FIGN: variants seen among roughly 807,000 people sequenced by gnomAD.
FIGN encodes fidgetin, microtubule severing factor.
In FIGN, 11 loss-of-function variants were observed where a neutral mutation model predicts 51.3. The ratio of observed to expected loss-of-function variants is 0.21; its 90% CI spans 0.13 to 0.35. The LOEUF (loss-of-function observed/expected upper bound fraction) is 0.35, where lower values mean the gene tolerates loss of function less well. Ranked by LOEUF, FIGN falls within the 10% of genes least tolerant of loss-of-function variation. The pLI, the probability that FIGN is intolerant of heterozygous loss-of-function variation, is 1.00. For missense variants in FIGN, 857 were observed against 943.6 expected (o/e 0.91, Z 1.20); for synonymous variants, 407 against 363.2 (o/e 1.12, Z -1.37).
chr2:163,664,870 C>G (rs1394108112), intron 2 of FIGN, among the ~76,000 whole-genome samples: 1 of 152,186 alleles, frequency 6.6e-6, no homozygotes, highest in Non-Finnish European at 1.5e-5. Context: ...TGCGTCACAC[C>G]AGTACTATGG....
At chr2:163,686,023 G>A (rs916362140) in intron 2 of FIGN, among the ~76,000 whole-genome samples, 5 of 152,186 alleles carry the variant, frequency 3.3e-5, no homozygotes, top group African/African-American at 7.2e-5. Context: ...TTTGGACTTC[G>A]TCAATTTCGC....
At chr2:163,625,624 T>C (rs1359344092) in intron 2 of FIGN, among the ~76,000 whole-genome samples, 2 of 152,072 alleles carry the variant, frequency 1.3e-5, no homozygotes, top group African/African-American at 4.8e-5. Context: ...ATGCATGTGC[T>C]AAAATAAATA....
rs1169500873 is a variant in FIGN at position 163,605,943 on chromosome 2, G to T, written c.*3609C>A. On this transcript the variant is annotated 3_prime_UTR_variant, in exon 3 of 3. Coordinates refer to ENST00000333129, the MANE Select transcript of FIGN (RefSeq NM_018086.4). ...GTTCTTTTGAAAACTGCATAGCCAA[G>T]TACTATGCAACCCATGTAAATTGAC... is the stretch of plus-strand genomic sequence containing the variant. 6.7e-6 allele frequency: 1 copy of T among 150,372 alleles called. No individual in the cohort carries two copies. Among genetic ancestry groups the T allele is most frequent in the Non-Finnish European group, 1.5e-5 (1 of 67,768 alleles). 9.3% of individuals were successfully genotyped at this position (150,372 alleles called of 1,614,324 possible). A position where few individuals can be genotyped will look rare whatever the true frequency, so the allele number is the denominator to read the frequency against.
intron 2 of FIGN, among the ~76,000 whole-genome samples, chr2:163,689,199 A>C (rs62169903): frequency 1.8e-3 from 28 of 15,974 alleles, no homozygotes; most frequent in African/African-American, 4.3e-3. Context: ...CACACACAGA[A>C]ACACACACAG....
At chr2:163,728,343 A>G (rs890034632) in intron 2 of FIGN, among the ~76,000 whole-genome samples, 6 of 151,462 alleles carry the variant, frequency 4.0e-5, no homozygotes, top group Non-Finnish European at 5.9e-5. Context: ...TACTACTACA[A>G]TTATTCTGGG....
chr2:163,734,809 CTGCT>C (rs1684990120), intron 2 of FIGN, 90 bp downstream of exon 2: 1 of 1,173,186 alleles, frequency 8.5e-7, no homozygotes, highest in Non-Finnish European at 1.2e-6. Flanking sequence ...TCATGAGCAA[CTGCT>C]TGCCAGGCAG....
rs1219738338 is a variant in FIGN at position 163,713,805 on chromosome 2, C to T, written c.25+21098G>A. 2.6e-5 allele frequency among the ~76,000 whole-genome samples: 4 copies of T among 152,114 alleles called. No homozygotes were observed. The East Asian group carries it at 5.8e-4, about 22-fold the overall frequency. On this transcript the variant is annotated intron_variant, in intron 2 of 2. Transcript: ENST00000333129. ...TTTTGATTTGCTTGAAGGATTACTT[C>T]CCTTCCTTAATTGTTTAAAGTGCAC...
At chr2:163,689,173 A>AACACCCACAC (rs1553501039) in intron 2 of FIGN, among the ~76,000 whole-genome samples, 1 of 144,656 alleles carries the variant, frequency 6.9e-6, no homozygotes, top group African/African-American at 2.6e-5. Context: ...AACAAAAATG[A>AACACCCACAC]ACACACACAC....
intron 2 of FIGN, among the ~76,000 whole-genome samples, chr2:163,632,504 T>C (rs13003002): frequency 0.25 from 37,282 of 152,108 alleles, 4,933 homozygotes; most frequent in Admixed American, 0.28. Context: ...AGTACATACA[T>C]TGAGGTCACT....
intron 2 of FIGN, among the ~76,000 whole-genome samples, chr2:163,730,913 T>C (rs1246683101): frequency 6.6e-6 from 1 of 152,182 alleles, no homozygotes; most frequent in Non-Finnish European, 1.5e-5. Flanking sequence ...TAAAGAGTAG[T>C]ATGTGAAATC....
chr2:163,614,467 T>G (rs17194412), intron 2 of FIGN, among the ~76,000 whole-genome samples: 22,957 of 152,124 alleles, frequency 0.15, 1,947 homozygotes, highest in Middle Eastern at 0.21. Flanking sequence ...GACCTACAAA[T>G]TCATTAGTCC....
At chr2:163,640,367 T>C (rs1369444907) in intron 2 of FIGN, among the ~76,000 whole-genome samples, 9 of 152,170 alleles carry the variant, frequency 5.9e-5, no homozygotes, top group African/African-American at 1.9e-4. Flanking sequence ...GTTATTTATA[T>C]CATAATTTTC....
At chr2:163,612,465 C>T (rs1682766358) in intron 2 of FIGN, 3 of 985,184 alleles carry the variant, frequency 3.0e-6, no homozygotes, top group South Asian at 4.7e-5. Flanking sequence ...AAATCTGCTT[C>T]GTGGAGTGCA....
intron 2 of FIGN, among the ~76,000 whole-genome samples, chr2:163,621,759 G>A (rs554454566): frequency 3.3e-5 from 5 of 152,096 alleles, no homozygotes; most frequent in Admixed American, 6.6e-5. Flanking sequence ...AGTCATTAGC[G>A]CGGTTGGCTC....
intron 2 of FIGN, among the ~76,000 whole-genome samples, chr2:163,684,204 T>C (rs527982901): frequency 6.6e-6 from 1 of 152,280 alleles, no homozygotes; most frequent in South Asian, 2.1e-4. Context: ...TTGTAAACAA[T>C]ATATTATTCA....
chr2:163,653,924 C>T (rs1436881526), intron 2 of FIGN, among the ~76,000 whole-genome samples: 1 of 151,988 alleles, frequency 6.6e-6, no homozygotes, highest in African/African-American at 2.4e-5. Flanking sequence ...GATCTATGCC[C>T]AGTGTCATCT....
intron 2 of FIGN, among the ~76,000 whole-genome samples, chr2:163,689,173 A>AACACACACACATAC (rs142384919): frequency 3.5e-5 from 5 of 144,656 alleles, no homozygotes; most frequent in African/African-American, 1.3e-4. Flanking sequence ...AACAAAAATG[A>AACACACACACATAC]ACACACACAC....
intron 2 of FIGN, among the ~76,000 whole-genome samples, chr2:163,637,315 T>C (rs181215536): frequency 1.3e-5 from 2 of 152,216 alleles, no homozygotes; most frequent in Non-Finnish European, 2.9e-5. Flanking sequence ...CTAAAGAGTT[T>C]ATGTTCTTCT....
chr2:163,610,256 C>A lies in FIGN; in HGVS notation c.1576G>T (p.Gly526Ter). 1 of 1,614,100 alleles carries A rather than the reference C, an allele frequency of 6.2e-7. No homozygotes were observed. The highest frequency in any genetic ancestry group is 8.5e-7 in the Non-Finnish European group (1 of 1,180,024). Residue 526 changes from glycine (G) to a stop codon, truncating the protein, a stop_gained, in exon 3 of 3, where the codon GGA becomes TGA. Coordinates refer to ENST00000333129, the MANE Select transcript of FIGN (RefSeq NM_018086.4). LOFTEE classifies it high-confidence loss of function. ...TALPRSILLFGPRGTGKTLLG... is the reference protein window; with the variant it reads ...TALPRSILLF ...AATGTTTTGCCTGTCCCCCGAGGTCCAAATAAAAGGATGCTCCGAGGTAAG... is the reference window on the plus strand; with the variant it reads ...AATGTTTTGCCTGTCCCCCGAGGTCAAAATAAAAGGATGCTCCGAGGTAAG...
Sources: allele counts gnomAD v4.1 joint callset (sites outside exome capture counted in the v4.1 genomes callset), GRCh38; gene constraint gnomAD v4.1.1; transcripts MANE v1.5; gene names NCBI Gene and HGNC (gene_info 2026-07-23, HGNC 2026-07-21).